Variants in PEBP4 observed in about 807,000 individuals in gnomAD.
The protein encoded by PEBP4 is phosphatidylethanolamine-binding protein 4.
Under a neutral mutation model 23.9 loss-of-function variants are expected in PEBP4, and 22 were observed. The observed-to-expected ratio is 0.92, with a 90% CI of 0.66 to 1.31. The LOEUF (loss-of-function observed/expected upper bound fraction) is 1.31. Among genes scored for constraint, PEBP4 ranks in the 40% most tolerant of loss-of-function variants. The probability of loss-of-function intolerance (pLI) is 0.00; values close to 1 mark genes in which losing one functional copy is unlikely to be tolerated. For missense variants in PEBP4, 324 were observed against 281.7 expected (o/e 1.15, Z -1.07); for synonymous variants, 112 against 99.3 (o/e 1.13, Z -0.76).
intron 3 of PEBP4, among the ~76,000 whole-genome samples, chr8:22,854,233 A>T (rs1807597564): frequency 6.6e-6 from 1 of 152,084 alleles, no homozygotes; most frequent in African/African-American, 2.4e-5. Context: ...GTTCATTTTA[A>T]CTCTAATTTC....
chr8:22,839,487 G>A (rs1807277021), intron 3 of PEBP4, among the ~76,000 whole-genome samples: 1 of 152,194 alleles, frequency 6.6e-6, no homozygotes, highest in African/African-American at 2.4e-5. Flanking sequence ...CATGCAAAAT[G>A]GGAGAGGTTC....
intron 4 of PEBP4, among the ~76,000 whole-genome samples, chr8:22,752,844 T>C (rs1239558065): frequency 6.6e-6 from 1 of 152,208 alleles, no homozygotes; most frequent in Non-Finnish European, 1.5e-5. Flanking sequence ...TAACTCCCCA[T>C]GCATTAGGAC....
Position 22,830,113 on chromosome 8 carries a change from T to TTGTGTGTGTGTGTGTG in PEBP4, c.259-12394_259-12379dup, listed in dbSNP as rs3060706. On this transcript the variant is annotated intron_variant, in intron 3 of 6. Transcript: ENST00000256404. ...CACTGCTGGGTCCTAGGCTGTGGTT[T>TTGTGTGTGTGTGTGTG]TGTGTGTGTGTGTGTGTGTGTGTGT... 9.7e-3 allele frequency among the ~76,000 whole-genome samples: 1,392 copies of TTGTGTGTGTGTGTGTG among 144,214 alleles called. 14 individuals are homozygous for TTGTGTGTGTGTGTGTG. Among genetic ancestry groups the TTGTGTGTGTGTGTGTG allele is most frequent in the African/African-American group, 0.015 (583 of 38,162 alleles). The allele number at this position is 144,214 out of a possible 152,430, so 94.6% of individuals were successfully genotyped here.
chr8:22,713,880 C>T (rs921741922), intron 6 of PEBP4, among the ~76,000 whole-genome samples: 4 of 152,250 alleles, frequency 2.6e-5, no homozygotes, highest in Admixed American at 6.5e-5. Context: ...CCCAGTCATG[C>T]GGGCTGCCCA....
chr8:22,857,147 G>T (rs1200979340), intron 3 of PEBP4, among the ~76,000 whole-genome samples: 2 of 152,012 alleles, frequency 1.3e-5, no homozygotes, highest in Non-Finnish European at 2.9e-5. Context: ...TAGTGTGGGA[G>T]TAGGGACATT....
chr8:22,720,417 T>G (rs1233346837), intron 6 of PEBP4, among the ~76,000 whole-genome samples: 1 of 152,108 alleles, frequency 6.6e-6, no homozygotes, highest in African/African-American at 2.4e-5. Context: ...GACGCCCAGA[T>G]GGGCAGTGGT....
intron 4 of PEBP4, among the ~76,000 whole-genome samples, chr8:22,810,711 TGTGAGAGA>T (rs1294939764): frequency 3.7e-5 from 5 of 134,224 alleles, no homozygotes; most frequent in African/African-American, 1.5e-4. Flanking sequence ...TGTGTGTGTG[TGTGAGAGA>T]GAGAGAGAGA....
chr8:22,856,631 T>C (rs1807658368), intron 3 of PEBP4, among the ~76,000 whole-genome samples: 1 of 152,138 alleles, frequency 6.6e-6, no homozygotes, highest in Admixed American at 6.5e-5. Context: ...GCATGAGAAT[T>C]GCTTAAGCCC....
chr8:22,713,779 C>G (rs1804357446), intron 6 of PEBP4, among the ~76,000 whole-genome samples: 1 of 152,224 alleles, frequency 6.6e-6, no homozygotes, highest in Admixed American at 6.5e-5. Flanking sequence ...ACTGAGAGCC[C>G]AGCCCCAGTT....
At chr8:22,877,562 A>G (rs899096812) in intron 3 of PEBP4, among the ~76,000 whole-genome samples, 3 of 152,178 alleles carry the variant, frequency 2.0e-5, no homozygotes, top group Admixed American at 1.3e-4. Flanking sequence ...TGAGGCCAGC[A>G]GCTTGTGAAC....
At chr8:22,724,720 C>T (rs567470106) in intron 6 of PEBP4, 123 bp downstream of exon 6, 28 of 705,334 alleles carry the variant, frequency 4.0e-5, no homozygotes, top group South Asian at 1.2e-4. Flanking sequence ...CACCAGCCTT[C>T]GACCCCAGTC....
In PEBP4 at chr8:22,759,351, G is replaced by GA. The variant is rs1370576066; in HGVS notation, c.358-32132_358-32131insT. ...TCAAGTGAAACATTAGAGAAGGACA[G>GA]CCTTTTTTTTTTTTTCCTCAACAAA... On this transcript the variant is annotated intron_variant, in intron 4 of 6. Transcript: ENST00000256404. Among the ~76,000 whole-genome samples the GA allele has an allele frequency of 2.1e-5, 3 of 145,220 alleles. No homozygotes were observed. In the East Asian group the frequency reaches 5.8e-4, roughly 28 times the overall value.
intron 3 of PEBP4, among the ~76,000 whole-genome samples, chr8:22,870,107 C>A (rs1222411862): frequency 6.6e-6 from 1 of 152,218 alleles, no homozygotes; most frequent in Non-Finnish European, 1.5e-5. Context: ...AAACCTGCAC[C>A]AGCCAGCCTG....
At chr8:22,937,397 T>C (rs1361081182) in intron 1 of PEBP4, among the ~76,000 whole-genome samples, 1 of 152,128 alleles carries the variant, frequency 6.6e-6, no homozygotes, top group Non-Finnish European at 1.5e-5. Flanking sequence ...GTGAAAGACT[T>C]GCACACTGAA....
rs544996628 is a variant in PEBP4, at chr8:22,902,906, C to A, written c.258+17278G>T. The stretch of plus-strand genomic sequence containing the variant: ...AACTCAGGGATCCCAGATCCTGCAG[C>A]ATAGCCTTGCGTTCCCACACGCTGT... On this transcript the variant is annotated intron_variant, in intron 3 of 6. Coordinates refer to ENST00000256404, the MANE Select transcript of PEBP4 (RefSeq NM_144962.3). 5.9e-5 allele frequency among the ~76,000 whole-genome samples: 9 copies of A among 152,352 alleles called. No homozygotes were observed. In the East Asian group the frequency reaches 1.7e-3, roughly 29 times the overall value.
At chr8:22,740,485 G>A (rs926203067) in intron 4 of PEBP4, among the ~76,000 whole-genome samples, 5 of 152,142 alleles carry the variant, frequency 3.3e-5, no homozygotes, top group African/African-American at 4.8e-5. Context: ...AACCTGAGGC[G>A]ACTTCTACGC....
At chr8:22,731,299 TTCC>T (rs890653691) in intron 4 of PEBP4, among the ~76,000 whole-genome samples, 5 of 152,246 alleles carry the variant, frequency 3.3e-5, no homozygotes, top group Admixed American at 1.3e-4. Context: ...CCTTCTCTTC[TTCC>T]TCCTCCTCCT....
At chr8:22,834,651 A>G (rs1807162673) in intron 3 of PEBP4, among the ~76,000 whole-genome samples, 1 of 152,228 alleles carries the variant, frequency 6.6e-6, no homozygotes. Flanking sequence ...CTGGCCCAGA[A>G]TATGTAGGAG....
intron 6 of PEBP4, among the ~76,000 whole-genome samples, chr8:22,719,006 C>G (rs1269816246): frequency 1.3e-5 from 2 of 152,204 alleles, no homozygotes; most frequent in Non-Finnish European, 2.9e-5. Flanking sequence ...CCCACCGAGG[C>G]CTGCATGCCT....
Sources: gnomAD v4.1 joint callset for allele counts (sites outside exome capture counted in the v4.1 genomes callset) on GRCh38, gnomAD v4.1.1 for gene constraint, MANE v1.5 for transcripts, NCBI Gene and HGNC (gene_info 2026-07-23, HGNC 2026-07-21) for gene names.